RAB4A: variants seen among roughly 807,000 people sequenced by gnomAD.
The protein encoded by RAB4A is RAB4A, member RAS oncogene family, also known as ras-related protein Rab-4A.
RAB4A carries 20 observed loss-of-function variants against 34.5 expected under a neutral mutation model. The observed-to-expected ratio is 0.58, with a 90% CI of 0.41 to 0.84. The LOEUF is 0.84. Among genes scored for constraint, RAB4A ranks in the 40% least tolerant of loss-of-function variants. RAB4A has a pLI of 0.00. For synonymous variants in RAB4A, 102 were observed against 100.0 expected (o/e 1.02, Z -0.12); for missense variants, 228 against 274.5 (o/e 0.83, Z 1.20).
chr1:229,285,553 A>C (rs1047132455), intron 1 of RAB4A, among the ~76,000 whole-genome samples: 4 of 152,194 alleles, frequency 2.6e-5, no homozygotes, highest in African/African-American at 7.2e-5. Context: ...TCAAAGCTAC[A>C]AACAGGGGAG....
intron 3 of RAB4A, among the ~76,000 whole-genome samples, chr1:229,293,795 T>TA (rs1657161689): frequency 6.6e-6 from 1 of 151,814 alleles, no homozygotes; most frequent in African/African-American, 2.4e-5. Context: ...GCTGAGGAGA[T>TA]AGAGTTAATG....
rs58013219 is a variant in RAB4A, at chr1:229,302,257, T to TTATATA, written c.542-557_542-552dup. ...TTATAAGTAATGTTACAGTAAATAA[T>TTATATA]TATATATATATATATATATATATAT... On this transcript the variant is annotated intron_variant, in intron 6 of 7. Transcript: ENST00000366690. Among the ~76,000 whole-genome samples the TTATATA allele has an allele frequency of 6.8e-4, 30 of 44,296 alleles. 1 individual carries two copies. Among genetic ancestry groups the TTATATA allele is most frequent in the Admixed American group, 8.4e-4 (2 of 2,388 alleles). 29.1% of individuals were successfully genotyped at this position (44,296 alleles called of 152,430 possible).
At chr1:229,292,458 C>T (rs948333123) in intron 3 of RAB4A, among the ~76,000 whole-genome samples, 8 of 152,144 alleles carry the variant, frequency 5.3e-5, no homozygotes, top group African/African-American at 9.7e-5. Context: ...AATAGAAAGG[C>T]GCTGCCTCTT....
At chr1:229,291,058 A>G (rs1657057080) in intron 3 of RAB4A, among the ~76,000 whole-genome samples, 1 of 152,232 alleles carries the variant, frequency 6.6e-6, no homozygotes, top group Non-Finnish European at 1.5e-5. Context: ...AAAAGCAGCC[A>G]CATATAAAGT....
intron 3 of RAB4A, among the ~76,000 whole-genome samples, chr1:229,289,903 G>T (rs1440445812): frequency 6.6e-6 from 1 of 152,178 alleles, no homozygotes; most frequent in East Asian, 1.9e-4. Context: ...TGGAAGCATT[G>T]ATTAAACATG....
chr1:229,286,387 A>G (rs1656924254), intron 1 of RAB4A, 99 bp from the exon 2 acceptor site: 2 of 701,800 alleles, frequency 2.8e-6, no homozygotes, highest in African/African-American at 1.9e-5. Context: ...TTTTCCTGTT[A>G]TATTAACAAC....
intron 1 of RAB4A, among the ~76,000 whole-genome samples, chr1:229,283,861 G>A (rs1040653095): frequency 6.6e-6 from 1 of 151,038 alleles, no homozygotes; most frequent in Non-Finnish European, 1.5e-5. Context: ...CAAGTAGCTG[G>A]GATTACAGGT....
intron 6 of RAB4A, among the ~76,000 whole-genome samples, chr1:229,299,933 T>G (rs1158289149): frequency 6.6e-6 from 1 of 151,998 alleles, no homozygotes; most frequent in African/African-American, 2.4e-5. Flanking sequence ...TTAGATGAGC[T>G]CAGTCTTTCA....
intron 1 of RAB4A, among the ~76,000 whole-genome samples, chr1:229,274,259 CTCTG>C (rs956356075): frequency 1.3e-3 from 198 of 149,406 alleles, no homozygotes; most frequent in African/African-American, 4.7e-3. Flanking sequence ...GAGACGAGGT[CTCTG>C]TCTGTTGCTC....
At chr1:229,302,045 A>T (rs1156578108) in intron 6 of RAB4A, among the ~76,000 whole-genome samples, 1 of 151,462 alleles carries the variant, frequency 6.6e-6, no homozygotes, top group Admixed American at 6.6e-5. Flanking sequence ...CAGATTAGGG[A>T]TGCTGAACTG....
At chr1:229,286,647 A>T (rs1028283667) in intron 2 of RAB4A, 81 bp downstream of exon 2, 4 of 835,292 alleles carry the variant, frequency 4.8e-6, no homozygotes, top group Admixed American at 6.8e-5. Flanking sequence ...AGTAAACTTA[A>T]TTTTTTCAGA....
chr1:229,288,461 G>A (rs554445021), intron 2 of RAB4A, among the ~76,000 whole-genome samples: 1 of 152,326 alleles, frequency 6.6e-6, no homozygotes, highest in South Asian at 2.1e-4. Flanking sequence ...GTTCGGATAT[G>A]GCAGGGCTAC....
At chr1:229,279,258 C>G (rs1449104852) in intron 1 of RAB4A, among the ~76,000 whole-genome samples, 4 of 152,198 alleles carry the variant, frequency 2.6e-5, no homozygotes, top group African/African-American at 7.2e-5. Context: ...ATCTTGAAAG[C>G]AAGACGATTG....
At chr1:229,287,908 A>AT (rs1042984683) in intron 2 of RAB4A, among the ~76,000 whole-genome samples, 7 of 152,244 alleles carry the variant, frequency 4.6e-5, no homozygotes, top group African/African-American at 1.4e-4. Context: ...TAGCTGCGAT[A>AT]TTCAATTTCA....
chr1:229,302,256 A>ATT (rs1245991455), intron 6 of RAB4A, among the ~76,000 whole-genome samples: 1 of 72,784 alleles, frequency 1.4e-5, no homozygotes, highest in African/African-American at 5.1e-5. Context: ...ACAGTAAATA[A>ATT]TTATATATAT....
Position 229,275,400 on chromosome 1 carries a change from A to G in RAB4A, c.31+4030A>G, listed in dbSNP as rs79102060. Reference sequence around the variant, plus strand: ...CCTTCAGAGAGACCTTGACCCTGTCAGCACTCTGAATTTGAATGCCCGGCC... The same window carrying G: ...CCTTCAGAGAGACCTTGACCCTGTCGGCACTCTGAATTTGAATGCCCGGCC... On this transcript the variant is annotated intron_variant, in intron 1 of 7. Coordinates refer to ENST00000366690, the MANE Select transcript of RAB4A (RefSeq NM_004578.4). Among the ~76,000 whole-genome samples the G allele has an allele frequency of 9.3e-4, 142 of 152,264 alleles. 3 individuals are homozygous for G. The East Asian group carries it at 0.024, about 26-fold the overall frequency.
At position 229,304,455 on chromosome 1, in the gene RAB4A, G is replaced by A. The variant is rs1280060063; in HGVS notation, c.*662G>A. 2.0e-5 allele frequency: 3 copies of A among 152,084 alleles called. No homozygotes were observed. Among genetic ancestry groups the A allele is most frequent in the Admixed American group, 1.3e-4 (2 of 15,244 alleles). 9.4% of individuals were successfully genotyped at this position (152,084 alleles called of 1,614,324 possible). A position where few individuals can be genotyped will look rare whatever the true frequency, so the allele number is the denominator to read the frequency against. On this transcript the variant is annotated 3_prime_UTR_variant, in exon 8 of 8. Transcript: ENST00000366690. ...TTGATTTTAAAGCCTCTTCATCCAGGTCAGTTCAGGAAGTATATCTGGAGT... is the reference window on the plus strand; with the variant it reads ...TTGATTTTAAAGCCTCTTCATCCAGATCAGTTCAGGAAGTATATCTGGAGT...
intron 1 of RAB4A, among the ~76,000 whole-genome samples, chr1:229,276,223 C>T (rs1656646789): frequency 6.6e-6 from 1 of 151,312 alleles, no homozygotes. Flanking sequence ...ACACGAGTCC[C>T]CTGGTGTATT....
At chr1:229,293,676 CACAGAG>C (rs1357479325) in intron 3 of RAB4A, among the ~76,000 whole-genome samples, 1 of 152,116 alleles carries the variant, frequency 6.6e-6, no homozygotes, top group East Asian at 1.9e-4. Context: ...AGGCAGCCAA[CACAGAG>C]ACAGAGACAG....
Sources: gnomAD v4.1 joint callset for allele counts (sites outside exome capture counted in the v4.1 genomes callset) on GRCh38, gnomAD v4.1.1 for gene constraint, MANE v1.5 for transcripts, NCBI Gene and HGNC (gene_info 2026-07-23, HGNC 2026-07-21) for gene names.